TANGO6: variants seen among roughly 807,000 people sequenced by gnomAD.
TANGO6 encodes the protein transport and Golgi organization protein 6 homolog.
In TANGO6, 90 loss-of-function variants were observed where a neutral mutation model predicts 114.2. The ratio of observed to expected loss-of-function variants is 0.79; its 90% CI spans 0.66 to 0.94. TANGO6 has a LOEUF of 0.94. Ranked by LOEUF, TANGO6 falls within the 40% of genes least tolerant of loss-of-function variation. The pLI is 0.00. For missense variants in TANGO6, 1,274 were observed against 1,315.3 expected (o/e 0.97, Z 0.49); for synonymous variants, 477 against 509.8 (o/e 0.94, Z 0.87).
chr16:68,988,408 A>T (rs995855009), intron 15 of TANGO6, among the ~76,000 whole-genome samples: 13 of 151,974 alleles, frequency 8.6e-5, no homozygotes, highest in Non-Finnish European at 1.6e-4. Context: ...CTCCTCCCCC[A>T]CTAACAGATC....
intron 14 of TANGO6, among the ~76,000 whole-genome samples, chr16:68,939,764 T>C (rs1326144956): frequency 6.6e-6 from 1 of 152,198 alleles, no homozygotes; most frequent in East Asian, 1.9e-4. Context: ...CACGTACATA[T>C]TTTCAGATTT....
At chr16:69,061,148 G>A (rs1960109958) in intron 17 of TANGO6, among the ~76,000 whole-genome samples, 1 of 152,212 alleles carries the variant, frequency 6.6e-6, no homozygotes, top group South Asian at 2.1e-4. Context: ...ACACCTACAG[G>A]GTTTTTTTGT....
At chr16:69,047,830 C>T (rs967849876) in intron 17 of TANGO6, among the ~76,000 whole-genome samples, 2 of 151,954 alleles carry the variant, frequency 1.3e-5, no homozygotes, top group African/African-American at 2.4e-5. Flanking sequence ...TATAAAATGG[C>T]AGCATTTTAT....
chr16:68,945,930 C>T (rs1473032617), intron 14 of TANGO6, among the ~76,000 whole-genome samples: 2 of 152,202 alleles, frequency 1.3e-5, no homozygotes, highest in Admixed American at 6.5e-5. Context: ...AGATGATCCC[C>T]CGCCTTGGCC....
In TANGO6 at chr16:69,083,949, G is replaced by T. The variant is rs1269932957; in HGVS notation, c.*288G>T. On this transcript the variant is annotated 3_prime_UTR_variant, in exon 18 of 18. Coordinates refer to ENST00000261778, the MANE Select transcript of TANGO6 (RefSeq NM_024562.2). Reference sequence around the variant, plus strand: ...GCATTGAAAGAAGGATGTCTACCTGGTGAAAGTATATTTTAACATGACTGA... The same window carrying T: ...GCATTGAAAGAAGGATGTCTACCTGTTGAAAGTATATTTTAACATGACTGA... 4.1e-6 allele frequency: 1 copy of T among 246,118 alleles called. No homozygotes were observed. The highest frequency in any genetic ancestry group is 7.8e-6 in the Non-Finnish European group (1 of 128,704). The allele number at this position is 246,118 out of a possible 1,614,324, so 15.2% of individuals were successfully genotyped here. A position where few individuals can be genotyped will look rare whatever the true frequency, so the allele number is the denominator to read the frequency against.
At chr16:68,987,932 A>G (rs766783238) in intron 15 of TANGO6, among the ~76,000 whole-genome samples, 1 of 151,922 alleles carries the variant, frequency 6.6e-6, no homozygotes, top group Non-Finnish European at 1.5e-5. Flanking sequence ...TCATATGCTT[A>G]TTTTCTATTC....
At chr16:69,013,730 C>T (rs1466745429) in intron 15 of TANGO6, among the ~76,000 whole-genome samples, 1 of 150,090 alleles carries the variant, frequency 6.7e-6, no homozygotes, top group African/African-American at 2.5e-5. Flanking sequence ...AATCTTGGCT[C>T]ACTGCAACCT....
At chr16:68,973,456 C>T (rs1011618415) in intron 14 of TANGO6, among the ~76,000 whole-genome samples, 2 of 152,102 alleles carry the variant, frequency 1.3e-5, no homozygotes, top group African/African-American at 4.8e-5. Context: ...CACCTCCCTG[C>T]CACCCCTAAA....
chr16:68,879,303 G>A (rs1962420862), intron 6 of TANGO6, among the ~76,000 whole-genome samples: 2 of 151,226 alleles, frequency 1.3e-5, no homozygotes, highest in Non-Finnish European at 3.0e-5. Flanking sequence ...GTAACATAAT[G>A]AGACCCTGTC....
At chr16:68,917,352 G>T (rs1249262115) in intron 11 of TANGO6, among the ~76,000 whole-genome samples, 1 of 152,142 alleles carries the variant, frequency 6.6e-6, no homozygotes, top group Non-Finnish European at 1.5e-5. Flanking sequence ...TATGACTAGA[G>T]CTGCTATAAA....
At chr16:69,002,261 C>T (rs994977249) in intron 15 of TANGO6, among the ~76,000 whole-genome samples, 42 of 151,904 alleles carry the variant, frequency 2.8e-4, no homozygotes, top group African/African-American at 8.2e-4. Flanking sequence ...GAAAAACAAA[C>T]CAAAAAAATA....
chr16:69,036,546 A>G (rs2152233094), intron 16 of TANGO6, among the ~76,000 whole-genome samples: 1 of 152,126 alleles, frequency 6.6e-6, no homozygotes, highest in South Asian at 2.1e-4. Flanking sequence ...GGTTTGGTGG[A>G]GTCTGGCGCA....
chr16:68,940,426 A>G (rs1284669613), intron 14 of TANGO6, among the ~76,000 whole-genome samples: 2 of 152,114 alleles, frequency 1.3e-5, no homozygotes, highest in Non-Finnish European at 2.9e-5. Context: ...TAATTACAGC[A>G]TCTTATCAAA....
chr16:68,864,345 A>G (rs1962145058), intron 3 of TANGO6, among the ~76,000 whole-genome samples: 1 of 152,128 alleles, frequency 6.6e-6, no homozygotes, highest in African/African-American at 2.4e-5. Context: ...AGGCTGAGGC[A>G]GGAGGATCAC....
At position 68,846,944 on chromosome 16, in the gene TANGO6, G is replaced by A. The variant is rs62055791; in HGVS notation, c.94+3233G>A. 1,022 of 150,462 alleles carry A rather than the reference G, an allele frequency of 6.8e-3. 6 individuals carry two copies. The highest frequency in any genetic ancestry group is 0.014 in the Middle Eastern group (4 of 290). 9.3% of individuals were successfully genotyped at this position (150,462 alleles called of 1,614,324 possible). Reference sequence around the variant, plus strand: ...TCGCTCTTGTTGCCCAGGATGGAATGCAGTGGCGTGATCTCGGCTCATTGC... The same window carrying A: ...TCGCTCTTGTTGCCCAGGATGGAATACAGTGGCGTGATCTCGGCTCATTGC... On this transcript the variant is annotated intron_variant, in intron 1 of 17. Transcript: ENST00000261778.
Position 69,083,283 on chromosome 16 carries a change from A to T in TANGO6, c.3109-202A>T, listed in dbSNP as rs567365958. 3.3e-5 allele frequency among the ~76,000 whole-genome samples: 5 copies of T among 150,858 alleles called. No individual in the cohort carries two copies. The South Asian group carries it at 8.4e-4, about 25-fold the overall frequency. Reference sequence around the variant, plus strand: ...GCCACGTTGCCCACGCTGGTCTCAAACTCCTGGACTCAAGTGATTTGCCTG... The same window carrying T: ...GCCACGTTGCCCACGCTGGTCTCAATCTCCTGGACTCAAGTGATTTGCCTG... On this transcript the variant is annotated intron_variant, in intron 17 of 17. Coordinates refer to ENST00000261778, the MANE Select transcript of TANGO6 (RefSeq NM_024562.2).
intron 17 of TANGO6, among the ~76,000 whole-genome samples, chr16:69,052,269 CTT>C (rs34982291): frequency 1.0e-3 from 127 of 122,238 alleles, no homozygotes; most frequent in Non-Finnish European, 1.2e-3. Context: ...TTTTTCTTTT[CTT>C]TTTTTTTTTT....
chr16:69,008,957 C>T (rs1228445927), intron 15 of TANGO6, among the ~76,000 whole-genome samples: 2 of 151,340 alleles, frequency 1.3e-5, no homozygotes, highest in Admixed American at 6.6e-5. Context: ...TAATTTTGTA[C>T]ATGTGTCAAG....
At position 68,989,689 on chromosome 16, in the gene TANGO6, T is replaced by G. The variant is rs1246774956; in HGVS notation, c.2842+15521T>G. The stretch of plus-strand genomic sequence containing the variant: ...GTTTTGGATTCTGTACTAGACATTA[T>G]GAATATTATGTTGCAGAAACTGTGG... On this transcript the variant is annotated intron_variant, in intron 15 of 17. Coordinates refer to ENST00000261778, the MANE Select transcript of TANGO6 (RefSeq NM_024562.2). Among the ~76,000 whole-genome samples the G allele has an allele frequency of 2.0e-5, 3 of 152,218 alleles. No individual in the cohort carries two copies. The East Asian group carries it at 5.8e-4, about 29-fold the overall frequency.
Sources: allele counts gnomAD v4.1 joint callset (sites outside exome capture counted in the v4.1 genomes callset), GRCh38; gene constraint gnomAD v4.1.1; transcripts MANE v1.5; gene names NCBI Gene and HGNC (gene_info 2026-07-23, HGNC 2026-07-21).